Variants in SCN3A observed in about 807,000 individuals in gnomAD.
SCN3A encodes sodium channel protein type 3 subunit alpha.
SCN3A carries 60 observed loss-of-function variants against 187.6 expected under a neutral mutation model. The ratio of observed to expected loss-of-function variants is 0.32; its 90% CI spans 0.26 to 0.40. SCN3A has a LOEUF of 0.40. Among genes scored for constraint, SCN3A ranks in the 10% least tolerant of loss-of-function variants. SCN3A has a pLI of 1.00. For synonymous variants in SCN3A, 788 were observed against 829.2 expected (o/e 0.95, Z 0.85); for missense variants, 1,601 against 2,428.2 (o/e 0.66, Z 7.16).
rs186853838 is a variant in SCN3A at position 165,105,776 on chromosome 2, G to C, written c.3844-5352C>G. 3.9e-5 allele frequency among the ~76,000 whole-genome samples: 6 copies of C among 152,092 alleles called. No homozygotes were observed. In the East Asian group the frequency reaches 7.7e-4, roughly 20 times the overall value. The stretch of plus-strand genomic sequence containing the variant: ...CACTTTGGGAGACTGAAGCAGGAGG[G>C]TTGCTTGAGCCTAGGAGTTTGAGGT... On this transcript the variant is annotated intron_variant, in intron 21 of 27. Transcript: ENST00000283254.
chr2:165,114,386 T>C (rs1257409850), intron 19 of SCN3A, among the ~76,000 whole-genome samples: 4 of 152,238 alleles, frequency 2.6e-5, no homozygotes, highest in African/African-American at 9.6e-5. Flanking sequence ...AAAATCTCGC[T>C]GTCTTCCCAG....
At position 165,092,223 on chromosome 2, in the gene SCN3A, C is replaced by G; in HGVS notation, c.4807+31G>C. Reference sequence around the variant, plus strand: ...TCCTGGGGCAACTGTTTCTCTGTAACTATACCTCTTGGTAATTAAGCTGTT... The same window carrying G: ...TCCTGGGGCAACTGTTTCTCTGTAAGTATACCTCTTGGTAATTAAGCTGTT... On this transcript the variant is annotated intron_variant, in intron 27 of 27. Coordinates refer to ENST00000283254, the MANE Select transcript of SCN3A (RefSeq NM_006922.4). This position sits in a 1 kb window ranked among gnomAD's most constrained non-coding sequence, Gnocchi z 4.2. 1 of 1,609,502 alleles carries G rather than the reference C, an allele frequency of 6.2e-7. No homozygotes were observed.
chr2:165,144,576 G>A (rs2105824756), intron 12 of SCN3A, among the ~76,000 whole-genome samples: 1 of 152,218 alleles, frequency 6.6e-6, no homozygotes, highest in East Asian at 1.9e-4. Context: ...TTCCTTAAGA[G>A]AGCCTCTTTC....
At chr2:165,127,552 A>C (rs1687065740) in intron 18 of SCN3A, 79 bp downstream of exon 18, 1 of 1,149,130 alleles carries the variant, frequency 8.7e-7, no homozygotes, top group African/African-American at 1.5e-5. Flanking sequence ...TAATGCATAT[A>C]AGCACAATGA....
rs1483176268 is a variant in SCN3A at position 165,090,280 on chromosome 2, G to T, written c.5873C>A (p.Thr1958Lys). ...AGAGGTGGTAGAGGAACTCCCATCT[G>T]TTTTTTCTGGAGTGGAGTTCCCATT... The part of the protein sequence containing the change: ...KLNGNSTPEK[T>K]DGSSSTTSPP... The change falls in exon 28 of 28, where the codon ACA (threonine) becomes AAA (lysine). Residue 1958 changes from threonine to lysine, a missense_variant. Physicochemically the swap from Thr to Lys is moderately conservative, Grantham distance 78. Coordinates refer to ENST00000283254, the MANE Select transcript of SCN3A (RefSeq NM_006922.4). The surrounding 1 kb of genome is among the most constrained non-coding windows in gnomAD (Gnocchi z 4.0). 1 of 1,612,822 alleles carries T rather than the reference G, an allele frequency of 6.2e-7. No individual in the cohort carries two copies. The highest frequency in any genetic ancestry group is 1.7e-5 in the Admixed American group (1 of 59,852).
chr2:165,189,452 T>C (rs73021831), intron 1 of SCN3A, among the ~76,000 whole-genome samples: 2,523 of 152,318 alleles, frequency 0.017, 64 homozygotes, highest in African/African-American at 0.057. Context: ...TGAAATTATC[T>C]TAATAAAATT....
At chr2:165,128,691 G>C (rs1349761606) in intron 17 of SCN3A, among the ~76,000 whole-genome samples, 3 of 152,176 alleles carry the variant, frequency 2.0e-5, no homozygotes, top group African/African-American at 7.2e-5. Context: ...AATACACTTT[G>C]AAATTTATAT....
intron 12 of SCN3A, among the ~76,000 whole-genome samples, chr2:165,143,901 G>A (rs1452721050): frequency 6.6e-6 from 1 of 152,108 alleles, no homozygotes; most frequent in Non-Finnish European, 1.5e-5. Flanking sequence ...ATGTTCTAGT[G>A]GGAACAAGGA....
At chr2:165,121,171 T>G (rs995787343) in intron 18 of SCN3A, among the ~76,000 whole-genome samples, 1 of 152,084 alleles carries the variant, frequency 6.6e-6, no homozygotes, top group East Asian at 1.9e-4. Flanking sequence ...TCTCAAAAAT[T>G]ATCTCACATT....
At position 165,130,129 on chromosome 2, in the gene SCN3A, A is replaced by G. The variant is rs752793426; in HGVS notation, c.2733T>C (p.Cys911=). Residue 911 remains cysteine, a synonymous_variant, in exon 17 of 28, where the codon TGT becomes TGC. Transcript: ENST00000283254. ...TACAGTCATCATTGATCTTGCAGACACATTCTTTGTAGCTCTTACCAAAGA... is the reference window on the plus strand; with the variant it reads ...TACAGTCATCATTGATCTTGCAGACGCATTCTTTGTAGCTCTTACCAAAGA... ...MQLFGKSYKE[C]VCKINDDCTL... 1 of 1,614,188 alleles carries G rather than the reference A, an allele frequency of 6.2e-7. No individual in the cohort carries two copies. Among genetic ancestry groups the G allele is most frequent in the Non-Finnish European group, 8.5e-7 (1 of 1,180,014 alleles).
intron 12 of SCN3A, among the ~76,000 whole-genome samples, chr2:165,144,613 A>T (rs774066975): frequency 3.9e-5 from 6 of 152,170 alleles, no homozygotes; most frequent in Non-Finnish European, 2.9e-5. Flanking sequence ...CTTTCCCAAA[A>T]TGTCTTAATA....
intron 18 of SCN3A, among the ~76,000 whole-genome samples, chr2:165,124,404 T>C (rs905938909): frequency 6.6e-6 from 1 of 152,150 alleles, no homozygotes; most frequent in African/African-American, 2.4e-5. Flanking sequence ...AAAAATTCTA[T>C]CGTATTAATC....
chr2:165,152,812 C>T (rs1688767665), intron 11 of SCN3A, among the ~76,000 whole-genome samples: 1 of 151,852 alleles, frequency 6.6e-6, no homozygotes, highest in Admixed American at 6.6e-5. Context: ...AGGAGGTATA[C>T]CTAATGTAAA....
At chr2:165,110,844 A>G (rs1381547376) in intron 21 of SCN3A, among the ~76,000 whole-genome samples, 1 of 152,240 alleles carries the variant, frequency 6.6e-6, no homozygotes, top group Non-Finnish European at 1.5e-5. Context: ...CATTCATTGA[A>G]ACATTACTCA....
chr2:165,187,755 C>G (rs1691333423), intron 1 of SCN3A, among the ~76,000 whole-genome samples: 1 of 152,166 alleles, frequency 6.6e-6, no homozygotes, highest in Non-Finnish European at 1.5e-5. Context: ...CCTTCATGAT[C>G]TGGCCTCTGC....
At chr2:165,174,852 G>T (rs1690349229) in intron 3 of SCN3A, among the ~76,000 whole-genome samples, 1 of 152,098 alleles carries the variant, frequency 6.6e-6, no homozygotes, top group African/African-American at 2.4e-5. Context: ...TATAAAAGGG[G>T]AAAAAGGAGA....
At position 165,130,103 on chromosome 2, in the gene SCN3A, G is replaced by A. The variant is rs371456512; in HGVS notation, c.2759C>T (p.Thr920Met). The A allele has an allele frequency of 1.9e-5, 31 of 1,613,956 alleles. No homozygotes were observed. The highest frequency in any genetic ancestry group is 1.6e-4 in the African/African-American group (12 of 74,892). The change falls in exon 17 of 28, where the codon ACG (threonine) becomes ATG (methionine). Residue 920 changes from threonine to methionine, a missense_variant. Physicochemically the swap from Thr to Met is moderately conservative, Grantham distance 81. Transcript: ENST00000283254. Reference protein sequence around the residue: ...ECVCKINDDCTLPRWHMNDFF... With the variant: ...ECVCKINDDCMLPRWHMNDFF... ...GTCGTTCATGTGCCACCGTGGGAGC[G>A]TACAGTCATCATTGATCTTGCAGAC...
intron 3 of SCN3A, among the ~76,000 whole-genome samples, chr2:165,174,388 T>C (rs1690317401): frequency 6.6e-6 from 1 of 152,136 alleles, no homozygotes; most frequent in African/African-American, 2.4e-5. Flanking sequence ...TGTGGAATGT[T>C]TAATAGCATG....
chr2:165,108,674 G>A (rs1443396098), intron 21 of SCN3A, among the ~76,000 whole-genome samples: 8 of 152,212 alleles, frequency 5.3e-5, no homozygotes, highest in Admixed American at 1.3e-4. Flanking sequence ...TTTTCAATAC[G>A]TTTTAAATAA....
Sources: allele counts gnomAD v4.1 joint callset (sites outside exome capture counted in the v4.1 genomes callset), GRCh38; gene constraint gnomAD v4.1.1; non-coding constraint Gnocchi (gnomAD v3.1); transcripts MANE v1.5; gene names NCBI Gene and HGNC (gene_info 2026-07-23, HGNC 2026-07-21).